The following PRICKLE1 variants were observed in gnomAD, a reference collection of about 807,000 sequenced individuals.
PRICKLE1 encodes the protein prickle-like protein 1.
A neutral mutation model predicts 70.2 loss-of-function variants in PRICKLE1; 14 were observed. The ratio of observed to expected loss-of-function variants is 0.20; its 90% CI spans 0.13 to 0.31. The LOEUF (loss-of-function observed/expected upper bound fraction) is 0.31, where lower values mean the gene tolerates loss of function less well. PRICKLE1 is among the 10% of genes least tolerant of loss of function. PRICKLE1 has a pLI of 1.00. For synonymous variants in PRICKLE1, 357 were observed against 379.9 expected, an observed-to-expected ratio of 0.94 and a Z score of 0.70; for missense variants, 821 against 1,026.2, an observed-to-expected ratio of 0.80 and a Z score of 2.73.
chr12:42,529,552 T>C (rs1050624259), intron 1 of PRICKLE1, among the ~76,000 whole-genome samples: 1 of 152,198 alleles, frequency 6.6e-6, no homozygotes, highest in Non-Finnish European at 1.5e-5. Context: ...CAATCCTGCT[T>C]ACAGTTTTGC....
intron 5 of PRICKLE1, 28 bp downstream of exon 5, chr12:42,468,598 C>A (rs1938190763): frequency 6.2e-7 from 1 of 1,603,484 alleles, no homozygotes; most frequent in Non-Finnish European, 8.5e-7. Flanking sequence ...TTATTTTTCC[C>A]AGTGTGAAAG....
At chr12:42,493,853 G>A (rs1396902867) in intron 1 of PRICKLE1, among the ~76,000 whole-genome samples, 1 of 140,022 alleles carries the variant, frequency 7.1e-6, no homozygotes, top group Non-Finnish European at 1.5e-5. Flanking sequence ...GTAAGACCGT[G>A]TCTAAAAAAA....
chr12:42,469,640 C>T (rs770787496), intron 3 of PRICKLE1, 53 bp from the exon 4 acceptor site: 162 of 1,609,916 alleles, frequency 1.0e-4, no homozygotes, highest in Non-Finnish European at 1.3e-4. Context: ...TCTTTCTCAC[C>T]AGTTCTCTAC....
intron 1 of PRICKLE1, among the ~76,000 whole-genome samples, chr12:42,545,669 T>C (rs1340021056): frequency 2.0e-5 from 3 of 151,946 alleles, no homozygotes; most frequent in Non-Finnish European, 4.4e-5. Flanking sequence ...GCCAAAATGG[T>C]GAAACTCTAT....
intron 1 of PRICKLE1, among the ~76,000 whole-genome samples, chr12:42,505,639 T>C (rs1204613568): frequency 1.3e-5 from 2 of 152,200 alleles, no homozygotes; most frequent in Non-Finnish European, 2.9e-5. Flanking sequence ...TTTCACTATA[T>C]TGGTCAGGCT....
intron 1 of PRICKLE1, among the ~76,000 whole-genome samples, chr12:42,475,389 A>G (rs1260473892): frequency 6.6e-6 from 1 of 152,214 alleles, no homozygotes; most frequent in Non-Finnish European, 1.5e-5. Flanking sequence ...GTCTCATTTA[A>G]CAGATGGGGA....
chr12:42,469,789 T>C, intron 3 of PRICKLE1: 2 of 633,368 alleles, frequency 3.2e-6, no homozygotes, highest in Non-Finnish European at 5.4e-6. Context: ...GGAATACTTT[T>C]TTTTTAAATA....
rs529733408 is a variant in PRICKLE1, at chr12:42,472,148, A to G, written c.132+237T>C. On this transcript the variant is annotated intron_variant, in intron 2 of 7. Coordinates refer to ENST00000345127, the MANE Select transcript of PRICKLE1 (RefSeq NM_153026.3). ...TCTGGATTTCATTCATTAGAGCAAA[A>G]ATGGGATCCTTATGAGGCTTCTGGA... is the stretch of plus-strand genomic sequence containing the variant. Among the ~76,000 whole-genome samples, 10 of 152,346 alleles carry G rather than the reference A, an allele frequency of 6.6e-5. No homozygotes were observed. In the South Asian group the frequency reaches 2.1e-3, roughly 32 times the overall value.
In PRICKLE1 at chr12:42,472,483, G is replaced by C. The variant is rs752821879; in HGVS notation, c.34C>G (p.Leu12Val). 6.2e-7 allele frequency: 1 copy of C among 1,614,194 alleles called. No homozygotes were observed. Among genetic ancestry groups the C allele is most frequent in the Non-Finnish European group, 8.5e-7 (1 of 1,180,034 alleles). Residue 12 changes from leucine to valine, a missense_variant, in exon 2 of 8, where the codon CTG becomes GTG. Leu to Val is a conservative substitution (Grantham distance 32). Transcript: ENST00000345127. ...PLEMEPKMSK[L>V]AFGCQRSSTS... ...GAACTTCTCTGACAGCCAAAGGCCA[G>C]TTTGCTCATCTTGGGCTCCATCTCC...
At chr12:42,501,606 A>C (rs1170149147) in intron 1 of PRICKLE1, among the ~76,000 whole-genome samples, 4 of 152,050 alleles carry the variant, frequency 2.6e-5, no homozygotes, top group Non-Finnish European at 5.9e-5. Flanking sequence ...GTAACCTTTA[A>C]AATGACCTTC....
chr12:42,579,217 G>A (rs1940857285), intron 1 of PRICKLE1, among the ~76,000 whole-genome samples: 1 of 152,228 alleles, frequency 6.6e-6, no homozygotes. Context: ...GATGGTGACT[G>A]GGAAAAAGCA....
Position 42,472,390 on chromosome 12 carries a change from C to G in PRICKLE1, c.127G>C (p.Glu43Gln), listed in dbSNP as rs1366445021. The G allele has an allele frequency of 6.2e-7, 1 of 1,614,164 alleles. No individual in the cohort carries two copies. Among genetic ancestry groups the G allele is most frequent in the Non-Finnish European group, 8.5e-7 (1 of 1,180,026 alleles). Residue 43 changes from glutamate to glutamine, a missense_variant, in exon 2 of 8, where the codon GAG becomes CAG. Transcript: ENST00000345127. ...YAWVPPGLRP[E>Q]QIQLYFACLP... ...TAGGATGATGAAGTTCCTACCTGCT[C>G]TGGTCTCAGGCCCGGGGGGACCCAG... is the stretch of plus-strand genomic sequence containing the variant.
chr12:42,494,825 G>C (rs988064392), intron 1 of PRICKLE1, among the ~76,000 whole-genome samples: 1 of 142,928 alleles, frequency 7.0e-6, no homozygotes, highest in African/African-American at 2.6e-5. Flanking sequence ...AAAAAAAAAA[G>C]CAATTCCTCG....
chr12:42,466,125 A>T (rs909829994), intron 6 of PRICKLE1, 69 bp downstream of exon 6: 2 of 1,535,704 alleles, frequency 1.3e-6, no homozygotes, highest in Non-Finnish European at 1.8e-6. Flanking sequence ...AAAAGAAAAA[A>T]TAAGACTGGA....
chr12:42,559,644 G>T (rs1399839738), intron 1 of PRICKLE1, among the ~76,000 whole-genome samples: 1 of 121,016 alleles, frequency 8.3e-6, no homozygotes, highest in East Asian at 3.1e-4. Context: ...TTTGGGGGGG[G>T]TAGAGATGGG....
chr12:42,470,380 A>C, intron 2 of PRICKLE1, 21 bp from the exon 3 acceptor site: 8 of 1,460,532 alleles, frequency 5.5e-6, no homozygotes, highest in Non-Finnish European at 6.7e-6. Flanking sequence ...GACAGTGAGA[A>C]TGGCATCAAC....
At chr12:42,557,788 G>A (rs965722428) in intron 1 of PRICKLE1, among the ~76,000 whole-genome samples, 1 of 152,178 alleles carries the variant, frequency 6.6e-6, no homozygotes, top group Non-Finnish European at 1.5e-5. Flanking sequence ...ACCATGCAGA[G>A]TTTTTCTCTC....
At chr12:42,472,652 T>A in intron 1 of PRICKLE1, 88 bp from the exon 2 acceptor site, 2 of 1,106,558 alleles carry the variant, frequency 1.8e-6, no homozygotes, top group Non-Finnish European at 2.7e-6. Context: ...TGAATGCTGT[T>A]AACAGACAGC....
intron 1 of PRICKLE1, among the ~76,000 whole-genome samples, chr12:42,560,128 A>ATTC (rs1232393239): frequency 6.9e-6 from 1 of 145,728 alleles, no homozygotes; most frequent in Admixed American, 6.9e-5. Flanking sequence ...TATTATTATT[A>ATTC]TTATTATTAT....
Sources: gnomAD v4.1 joint callset for allele counts (sites outside exome capture counted in the v4.1 genomes callset) on GRCh38, gnomAD v4.1.1 for gene constraint, MANE v1.5 for transcripts, NCBI Gene and HGNC (gene_info 2026-07-23, HGNC 2026-07-21) for gene names.